Variants in SPOCK1 observed in about 807,000 individuals in gnomAD.
The protein encoded by SPOCK1 is SPARC (osteonectin), cwcv and kazal like domains proteoglycan 1, also known as testican-1.
SPOCK1 carries 23 observed loss-of-function variants against 55.3 expected under a neutral mutation model. The observed-to-expected ratio is 0.42, with a 90% CI of 0.30 to 0.59. The LOEUF (loss-of-function observed/expected upper bound fraction) is 0.59, where lower values mean the gene tolerates loss of function less well. Among genes scored for constraint, SPOCK1 ranks in the 20% least tolerant of loss-of-function variants. The pLI is 0.22. For synonymous variants in SPOCK1, 226 were observed against 221.0 expected (o/e 1.02, Z -0.20); for missense variants, 499 against 552.5 (o/e 0.90, Z 0.97).
At chr5:137,055,319 A>G (rs1752279712) in intron 6 of SPOCK1, among the ~76,000 whole-genome samples, 1 of 152,230 alleles carries the variant, frequency 6.6e-6, no homozygotes, top group Non-Finnish European at 1.5e-5. Flanking sequence ...GGATGAAGAT[A>G]CATTACTCAT....
At chr5:137,491,162 C>T (rs895031568) in intron 2 of SPOCK1, among the ~76,000 whole-genome samples, 2 of 152,188 alleles carry the variant, frequency 1.3e-5, no homozygotes, top group Non-Finnish European at 2.9e-5. Flanking sequence ...AACTGATGCT[C>T]TAGCCAAACA....
At chr5:137,396,987 T>C (rs375187868) in intron 2 of SPOCK1, among the ~76,000 whole-genome samples, 2 of 152,322 alleles carry the variant, frequency 1.3e-5, no homozygotes, top group South Asian at 4.1e-4. Context: ...TCAACACCTG[T>C]GTACCTTGTG....
At chr5:137,054,079 G>GCA (rs1437948874) in intron 6 of SPOCK1, among the ~76,000 whole-genome samples, 2 of 151,890 alleles carry the variant, frequency 1.3e-5, no homozygotes, top group Non-Finnish European at 2.9e-5. Context: ...GCATGCGCAT[G>GCA]CACACACATT....
intron 3 of SPOCK1, among the ~76,000 whole-genome samples, chr5:137,174,340 G>A (rs114017642): frequency 0.011 from 1,600 of 152,364 alleles, 24 homozygotes; most frequent in African/African-American, 0.036. Context: ...CCACGGGGAA[G>A]AGACAAGCTG....
At chr5:137,115,589 C>T (rs1011530196) in intron 4 of SPOCK1, among the ~76,000 whole-genome samples, 2 of 152,110 alleles carry the variant, frequency 1.3e-5, no homozygotes, top group African/African-American at 4.8e-5. Context: ...GGTAAAATCA[C>T]CTTTGACTTC....
At chr5:137,184,451 T>C (rs568433526) in intron 3 of SPOCK1, among the ~76,000 whole-genome samples, 18 of 152,300 alleles carry the variant, frequency 1.2e-4, no homozygotes, top group South Asian at 6.2e-4. Context: ...GCTCCTGGAA[T>C]CTGCTGCCCA....
chr5:137,191,940 G>A (rs1009187211), intron 3 of SPOCK1, among the ~76,000 whole-genome samples: 20 of 151,994 alleles, frequency 1.3e-4, no homozygotes, highest in African/African-American at 3.6e-4. Context: ...AAAAACAAGC[G>A]GCCAGGCGCA....
intron 3 of SPOCK1, among the ~76,000 whole-genome samples, chr5:137,263,594 T>C (rs1480596858): frequency 6.6e-6 from 1 of 152,232 alleles, no homozygotes; most frequent in Non-Finnish European, 1.5e-5. Context: ...AACTGTGCAG[T>C]CTGCCCAACT....
At chr5:137,167,688 G>A (rs1754675444) in intron 3 of SPOCK1, among the ~76,000 whole-genome samples, 1 of 151,870 alleles carries the variant, frequency 6.6e-6, no homozygotes, top group Non-Finnish European at 1.5e-5. Context: ...ACAAACACAT[G>A]GAAATTAAAC....
chr5:137,331,772 A>G (rs1312564672), intron 2 of SPOCK1, among the ~76,000 whole-genome samples: 2 of 152,072 alleles, frequency 1.3e-5, no homozygotes, highest in Non-Finnish European at 2.9e-5. Flanking sequence ...CCACGATCCA[A>G]TCACCTCCCA....
At position 137,112,517 on chromosome 5, in the gene SPOCK1, G is replaced by T; in HGVS notation, c.392C>A (p.Ser131Ter). ...ACAGGGCTTGCACTTGACCAAATTC[G>T]AAGGTCCAACCCAGTGTTTCTGGGC... ...NVAQKHWVGP[S>*]NLVKCKPCPV... Residue 131 changes from serine to a stop codon, truncating the protein, a stop_gained, in exon 5 of 11, where the codon TCG becomes TAG. Coordinates refer to ENST00000394945, the MANE Select transcript of SPOCK1 (RefSeq NM_004598.4). LOFTEE classifies it high-confidence loss of function. The T allele has an allele frequency of 1.2e-6, 2 of 1,613,788 alleles. No individual in the cohort carries two copies. The highest frequency in any genetic ancestry group is 1.7e-6 in the Non-Finnish European group (2 of 1,180,006).
At chr5:137,352,760 G>C (rs895080402) in intron 2 of SPOCK1, among the ~76,000 whole-genome samples, 1 of 152,194 alleles carries the variant, frequency 6.6e-6, no homozygotes, top group Non-Finnish European at 1.5e-5. Context: ...CATAGACCTT[G>C]ATAAGCTATA....
At chr5:137,042,194 C>A (rs1159801255) in intron 6 of SPOCK1, among the ~76,000 whole-genome samples, 1 of 152,058 alleles carries the variant, frequency 6.6e-6, no homozygotes, top group Non-Finnish European at 1.5e-5. Context: ...GTGAAAGAAG[C>A]CAGCATAAAA....
intron 5 of SPOCK1, among the ~76,000 whole-genome samples, chr5:137,083,650 G>C (rs1465922530): frequency 6.6e-6 from 1 of 152,154 alleles, no homozygotes; most frequent in Non-Finnish European, 1.5e-5. Context: ...AAAACAATGT[G>C]TGTGAAGTAC....
chr5:137,459,910 A>G (rs2149837056), intron 2 of SPOCK1, among the ~76,000 whole-genome samples: 1 of 152,238 alleles, frequency 6.6e-6, no homozygotes, highest in Middle Eastern at 3.4e-3. Context: ...GAGTGCTAGG[A>G]TAATGGAAAA....
At chr5:137,443,902 G>A (rs4976354) in intron 2 of SPOCK1, among the ~76,000 whole-genome samples, 19 of 151,924 alleles carry the variant, frequency 1.3e-4, no homozygotes, top group Non-Finnish European at 2.4e-4. Flanking sequence ...AAATCCTTCA[G>A]TAGGTCCCAT....
chr5:137,074,766 G>A lies in SPOCK1; in HGVS notation c.475-6937C>T, dbSNP rs142541953. ...GTCACCCAGGCTGGAGTGCAGTGGC[G>A]CAAACTCGGCTCACTGCAAGCTCCA... On this transcript the variant is annotated intron_variant, in intron 5 of 10. Coordinates refer to ENST00000394945, the MANE Select transcript of SPOCK1 (RefSeq NM_004598.4). 9.0e-3 allele frequency among the ~76,000 whole-genome samples: 1,365 copies of A among 151,426 alleles called. 27 individuals carry two copies. The highest frequency in any genetic ancestry group is 0.032 in the African/African-American group (1,303 of 41,180).
At chr5:137,227,907 G>A (rs1294061267) in intron 3 of SPOCK1, among the ~76,000 whole-genome samples, 2 of 152,182 alleles carry the variant, frequency 1.3e-5, no homozygotes, top group African/African-American at 2.4e-5. Flanking sequence ...TCTATGAAGA[G>A]GAACCACAAA....
intron 2 of SPOCK1, among the ~76,000 whole-genome samples, chr5:137,356,830 TATATATATAG>T (rs1298444539): frequency 6.7e-4 from 8 of 12,004 alleles, no homozygotes; most frequent in African/African-American, 2.8e-3. Flanking sequence ...TATATATATA[TATATATATAG>T]AGAGAGAGAG....
Sources: allele counts gnomAD v4.1 joint callset (sites outside exome capture counted in the v4.1 genomes callset), GRCh38; gene constraint gnomAD v4.1.1; transcripts MANE v1.5; gene names NCBI Gene and HGNC (gene_info 2026-07-23, HGNC 2026-07-21).